Variants in KCTD8 observed in about 807,000 individuals in gnomAD.
KCTD8 encodes potassium channel tetramerization domain containing 8.
A neutral mutation model predicts 31.5 loss-of-function variants in KCTD8; 27 were observed. The observed-to-expected ratio is 0.86, with a 90% CI of 0.63 to 1.18. The LOEUF is 1.18. Among genes scored for constraint, KCTD8 ranks in the 50% most tolerant of loss-of-function variants. KCTD8 has a pLI of 0.00. For synonymous variants in KCTD8, 290 were observed against 280.0 expected, an observed-to-expected ratio of 1.04 and a Z score of -0.36; for missense variants, 658 against 647.7, an observed-to-expected ratio of 1.02 and a Z score of -0.17.
chr4:44,187,488 T>C (rs1460279019), intron 1 of KCTD8, among the ~76,000 whole-genome samples: 1 of 152,258 alleles, frequency 6.6e-6, no homozygotes, highest in Non-Finnish European at 1.5e-5. Context: ...AACTACTCCC[T>C]GCTCCTTCCA....
chr4:44,392,783 C>T (rs1720405143), intron 1 of KCTD8, among the ~76,000 whole-genome samples: 1 of 151,984 alleles, frequency 6.6e-6, no homozygotes, highest in Non-Finnish European at 1.5e-5. Flanking sequence ...GGCTTACACG[C>T]AGAGAACAGT....
intron 1 of KCTD8, among the ~76,000 whole-genome samples, chr4:44,364,900 G>C (rs963248746): frequency 6.6e-6 from 1 of 151,994 alleles, no homozygotes; most frequent in Non-Finnish European, 1.5e-5. Flanking sequence ...TCCGGGGTCA[G>C]GCAGGGAGTG....
chr4:44,309,382 G>A (rs964466173), intron 1 of KCTD8, among the ~76,000 whole-genome samples: 1 of 152,010 alleles, frequency 6.6e-6, no homozygotes, highest in African/African-American at 2.4e-5. Context: ...GCAGGTGTTT[G>A]TACTCCTAAA....
chr4:44,297,481 C>T (rs1327043088), intron 1 of KCTD8, among the ~76,000 whole-genome samples: 1 of 152,004 alleles, frequency 6.6e-6, no homozygotes, highest in East Asian at 1.9e-4. Flanking sequence ...AAAATAGCAT[C>T]TTACAATCAA....
At chr4:44,196,118 A>G (rs766725242) in intron 1 of KCTD8, among the ~76,000 whole-genome samples, 5 of 152,242 alleles carry the variant, frequency 3.3e-5, no homozygotes, top group Admixed American at 1.3e-4. Flanking sequence ...GCTTGAATGC[A>G]GAAAGAAAGC....
chr4:44,425,419 A>C (rs1180447137), intron 1 of KCTD8, among the ~76,000 whole-genome samples: 1 of 152,016 alleles, frequency 6.6e-6, no homozygotes. Context: ...AATCTAACAA[A>C]TCAGTTACTT....
At chr4:44,179,774 A>C (rs1054574064) in intron 1 of KCTD8, among the ~76,000 whole-genome samples, 1 of 152,104 alleles carries the variant, frequency 6.6e-6, no homozygotes, top group South Asian at 2.1e-4. Context: ...TATCCATTTA[A>C]GCATACTTTA....
intron 1 of KCTD8, among the ~76,000 whole-genome samples, chr4:44,284,807 C>G (rs549079251): frequency 6.8e-4 from 104 of 152,190 alleles, no homozygotes; most frequent in Non-Finnish European, 1.2e-3. Context: ...AAAAAATGGG[C>G]AAAGGTTATG....
intron 1 of KCTD8, among the ~76,000 whole-genome samples, chr4:44,294,139 G>C (rs1445345613): frequency 6.6e-6 from 1 of 152,082 alleles, no homozygotes; most frequent in East Asian, 1.9e-4. Context: ...GAAATGATTT[G>C]ACACATGCAC....
chr4:44,439,903 T>C (rs1488928326), intron 1 of KCTD8, among the ~76,000 whole-genome samples: 1 of 67,958 alleles, frequency 1.5e-5, no homozygotes, highest in East Asian at 5.7e-4. Flanking sequence ...CATTTATTTT[T>C]ATTTATTTAT....
chr4:44,207,631 A>G (rs1391260305), intron 1 of KCTD8, among the ~76,000 whole-genome samples: 1 of 152,214 alleles, frequency 6.6e-6, no homozygotes, highest in African/African-American at 2.4e-5. Context: ...TTTTCACCAA[A>G]TGTGTGTGTC....
intron 1 of KCTD8, among the ~76,000 whole-genome samples, chr4:44,185,679 T>A (rs1713564849): frequency 6.6e-6 from 1 of 152,148 alleles, no homozygotes. Context: ...CAAAGCCTAA[T>A]CCGTATGTTG....
chr4:44,396,454 G>GT (rs112458092), intron 1 of KCTD8, among the ~76,000 whole-genome samples: 37,647 of 149,202 alleles, frequency 0.25, 4,940 homozygotes, highest in South Asian at 0.3. Flanking sequence ...AAGGAAAGTT[G>GT]TTTTTTTTTT....
chr4:44,273,175 AT>A (rs899538264), intron 1 of KCTD8, among the ~76,000 whole-genome samples: 7 of 152,074 alleles, frequency 4.6e-5, no homozygotes, highest in African/African-American at 1.7e-4. Flanking sequence ...TCAAACATTG[AT>A]AAAAATTAAA....
rs189359386 is a variant in KCTD8 at position 44,203,792 on chromosome 4, C to T, written c.962-28542G>A. On this transcript the variant is annotated intron_variant, in intron 1 of 1. Coordinates refer to ENST00000360029, the MANE Select transcript of KCTD8 (RefSeq NM_198353.3). The stretch of plus-strand genomic sequence containing the variant: ...ACATGGAGAGTATTTAAAATGAGAA[C>T]GATATAATATTAATAAGTTTACATA... Among the ~76,000 whole-genome samples, 384 of 150,896 alleles carry T rather than the reference C, an allele frequency of 2.5e-3. 1 individual carries two copies. Among genetic ancestry groups the T allele is most frequent in the African/African-American group, 8.5e-3 (348 of 41,178 alleles).
At chr4:44,268,088 C>A (rs1232869787) in intron 1 of KCTD8, among the ~76,000 whole-genome samples, 3 of 151,954 alleles carry the variant, frequency 2.0e-5, no homozygotes, top group South Asian at 2.1e-4. Flanking sequence ...GAGACACAAC[C>A]AAAAAAGAGA....
intron 1 of KCTD8, among the ~76,000 whole-genome samples, chr4:44,204,007 T>C (rs868225892): frequency 1.2e-4 from 19 of 152,036 alleles, no homozygotes; most frequent in African/African-American, 4.1e-4. Context: ...AAAATCTATA[T>C]AACTTTACAG....
intron 1 of KCTD8, among the ~76,000 whole-genome samples, chr4:44,213,674 C>T (rs1451953395): frequency 6.6e-6 from 1 of 152,170 alleles, no homozygotes; most frequent in Non-Finnish European, 1.5e-5. Context: ...TACCTACTCT[C>T]ATACCTTTAC....
At chr4:44,436,032 C>T (rs1721634750) in intron 1 of KCTD8, among the ~76,000 whole-genome samples, 1 of 152,062 alleles carries the variant, frequency 6.6e-6, no homozygotes, top group South Asian at 2.1e-4. Flanking sequence ...ATACTTGAAT[C>T]AGGCAATTGT....
Sources: allele counts gnomAD v4.1 joint callset (sites outside exome capture counted in the v4.1 genomes callset), GRCh38; gene constraint gnomAD v4.1.1; transcripts MANE v1.5; gene names NCBI Gene and HGNC (gene_info 2026-07-23, HGNC 2026-07-21).